The following INPP5F variants were observed in gnomAD, a reference collection of about 807,000 sequenced individuals.
The protein encoded by INPP5F is inositol polyphosphate-5-phosphatase F.
Under a neutral mutation model 137.2 loss-of-function variants are expected in INPP5F, and 97 were observed. The ratio of observed to expected loss-of-function variants is 0.71; its 90% CI spans 0.60 to 0.84. INPP5F has a LOEUF of 0.84. Among genes scored for constraint, INPP5F ranks in the 40% least tolerant of loss-of-function variants. The probability of loss-of-function intolerance (pLI) is 0.00; values close to 1 mark genes in which losing one functional copy is unlikely to be tolerated. For synonymous variants in INPP5F, 504 were observed against 476.9 expected, an observed-to-expected ratio of 1.06 and a Z score of -0.74; for missense variants, 1,271 against 1,371.9, an observed-to-expected ratio of 0.93 and a Z score of 1.16.
At chr10:119,728,014 C>A (rs367981315) in intron 1 of INPP5F, among the ~76,000 whole-genome samples, 89 of 152,286 alleles carry the variant, frequency 5.8e-4, no homozygotes, top group African/African-American at 2.1e-3. Flanking sequence ...TTTCTACACC[C>A]CAGTTTCTTG....
At chr10:119,820,625 C>G (rs552713940) in intron 15 of INPP5F, among the ~76,000 whole-genome samples, 1 of 152,190 alleles carries the variant, frequency 6.6e-6, no homozygotes, top group Non-Finnish European at 1.5e-5. Flanking sequence ...TCTCTACGCT[C>G]CATCCCTCAC....
Position 119,826,694 on chromosome 10 carries a change from C to G in INPP5F, c.2313C>G (p.Ala771=). The change falls in exon 20 of 20, where the codon GCC becomes GCG. Residue 771 remains alanine (A), a synonymous_variant. Transcript: ENST00000650623. ...GIRSQNQGSL[A]QGKNFLMSKF... ...GGTCTCAAAACCAAGGTTCTTTGGCCCAGGGAAAGAATTTTTTAATGAGCA... is the reference window on the plus strand; with the variant it reads ...GGTCTCAAAACCAAGGTTCTTTGGCGCAGGGAAAGAATTTTTTAATGAGCA... 1 of 1,611,698 alleles carries G rather than the reference C, an allele frequency of 6.2e-7. No homozygotes were observed. Among genetic ancestry groups the G allele is most frequent in the Non-Finnish European group, 8.5e-7 (1 of 1,179,414 alleles).
chr10:119,803,610 A>G (rs1850667592), intron 9 of INPP5F, among the ~76,000 whole-genome samples: 1 of 152,164 alleles, frequency 6.6e-6, no homozygotes. Flanking sequence ...CCACATATTT[A>G]CTCTTCCAGA....
intron 16 of INPP5F, 62 bp from the exon 17 acceptor site, chr10:119,822,369 C>G: frequency 1.2e-6 from 1 of 862,794 alleles, no homozygotes; most frequent in South Asian, 1.8e-5. Context: ...TTATGCCTTC[C>G]CTGACAAGCC....
intron 1 of INPP5F, among the ~76,000 whole-genome samples, chr10:119,741,435 T>C (rs1407397792): frequency 6.6e-6 from 1 of 152,214 alleles, no homozygotes; most frequent in Non-Finnish European, 1.5e-5. Flanking sequence ...CCAAACTATT[T>C]GGAGTCTTCT....
chr10:119,812,872 C>T (rs1424628496), intron 15 of INPP5F, among the ~76,000 whole-genome samples: 1 of 151,094 alleles, frequency 6.6e-6, no homozygotes, highest in Non-Finnish European at 1.5e-5. Flanking sequence ...GATTCATGTC[C>T]TTCACTTGTA....
At chr10:119,788,354 G>T (rs3781500) in intron 3 of INPP5F, among the ~76,000 whole-genome samples, 7,384 of 152,198 alleles carry the variant, frequency 0.049, 311 homozygotes, top group South Asian at 0.26. Context: ...GCATGAAGAC[G>T]GAGAAGAGAG....
At chr10:119,726,612 C>T (rs959008734) in intron 1 of INPP5F, among the ~76,000 whole-genome samples, 2 of 152,226 alleles carry the variant, frequency 1.3e-5, no homozygotes, top group Non-Finnish European at 2.9e-5. Flanking sequence ...CACCGCGTCA[C>T]GCGGCCGCCC....
intron 1 of INPP5F, among the ~76,000 whole-genome samples, chr10:119,729,803 T>G (rs1383712842): frequency 6.6e-6 from 1 of 151,294 alleles, no homozygotes; most frequent in Non-Finnish European, 1.5e-5. Flanking sequence ...CAGGCTGATC[T>G]TGGCCTCCTG....
intron 1 of INPP5F, among the ~76,000 whole-genome samples, chr10:119,730,607 G>A (rs1394227745): frequency 6.6e-6 from 1 of 152,108 alleles, no homozygotes; most frequent in African/African-American, 2.4e-5. Context: ...TAGTCCTTGT[G>A]GCTTTGTCTG....
At chr10:119,814,091 C>A (rs958580436) in intron 15 of INPP5F, among the ~76,000 whole-genome samples, 6 of 152,000 alleles carry the variant, frequency 3.9e-5, no homozygotes, top group Admixed American at 3.9e-4. Flanking sequence ...TGTTCATCTT[C>A]TTTAATTAAA....
chr10:119,804,240 T>C lies in INPP5F; in HGVS notation c.1184T>C (p.Val395Ala). The C allele has an allele frequency of 6.2e-7, 1 of 1,612,064 alleles. No individual in the cohort carries two copies. The highest frequency in any genetic ancestry group is 8.5e-7 in the Non-Finnish European group (1 of 1,178,600). ...ATTGGCGATGCTTACCTGAAGCAAG[T>C]GTTGCTTTTCAACAACTCACACCTC... ...KIIGDAYLKQVLLFNNSHLTY... is the reference protein window; with the variant it reads ...KIIGDAYLKQALLFNNSHLTY... Residue 395 changes from valine to alanine, a missense_variant, in exon 10 of 20, where the codon GTG becomes GCG. By Grantham distance (64) the Val-to-Ala change is moderately conservative (BLOSUM62 0). Transcript: ENST00000650623.
intron 3 of INPP5F, among the ~76,000 whole-genome samples, chr10:119,782,262 C>T (rs1195143536): frequency 6.6e-6 from 1 of 152,072 alleles, no homozygotes; most frequent in Admixed American, 6.6e-5. Flanking sequence ...CTTTATTTTC[C>T]AGAGAAGAGC....
At chr10:119,771,868 ATATATATATATATATTTTTTTTTTTTT>A (rs1231003751) in intron 2 of INPP5F, among the ~76,000 whole-genome samples, 544 of 14,304 alleles carry the variant, frequency 0.038, 18 homozygotes, top group South Asian at 0.19. Context: ...ATATATATAT[ATATATATATATATATTTTTTTTTTTTT>A]TTTTTTTTTT....
intron 7 of INPP5F, 142 bp downstream of exon 7, chr10:119,797,055 G>A (rs139229916): frequency 1.3e-6 from 1 of 799,626 alleles, no homozygotes; most frequent in African/African-American, 1.7e-5. Flanking sequence ...ATACTGTGAT[G>A]TAATTGGGGA....
chr10:119,820,721 T>A, intron 15 of INPP5F, 125 bp from the exon 16 acceptor site: 1 of 688,406 alleles, frequency 1.5e-6, no homozygotes, highest in Non-Finnish European at 2.7e-6. Flanking sequence ...ACTCATTGAT[T>A]ACCTTCTTCT....
intron 14 of INPP5F, among the ~76,000 whole-genome samples, chr10:119,811,313 TAGGG>T (rs1433026960): frequency 6.6e-6 from 1 of 152,232 alleles, no homozygotes; most frequent in South Asian, 2.1e-4. Context: ...GACAATGAGA[TAGGG>T]AGGAATAACT....
At chr10:119,813,960 T>C (rs1851152621) in intron 15 of INPP5F, among the ~76,000 whole-genome samples, 1 of 152,136 alleles carries the variant, frequency 6.6e-6, no homozygotes, top group Non-Finnish European at 1.5e-5. Context: ...ATGCTTCTCT[T>C]TTTTTTTCCT....
At chr10:119,730,580 C>T (rs1848028136) in intron 1 of INPP5F, among the ~76,000 whole-genome samples, 1 of 152,160 alleles carries the variant, frequency 6.6e-6, no homozygotes. Flanking sequence ...TCTCTTTGGT[C>T]TTAAAATTGC....
Sources: gnomAD v4.1 joint callset for allele counts (sites outside exome capture counted in the v4.1 genomes callset) on GRCh38, gnomAD v4.1.1 for gene constraint, MANE v1.5 for transcripts, NCBI Gene and HGNC (gene_info 2026-07-23, HGNC 2026-07-21) for gene names.